Variants in FSIP2 observed in about 807,000 individuals in gnomAD.
FSIP2 encodes fibrous sheath-interacting protein 2.
FSIP2 carries 367 observed loss-of-function variants against 510.5 expected under a neutral mutation model. That is an observed-to-expected ratio of 0.72 (90% CI 0.66 to 0.78). The LOEUF (loss-of-function observed/expected upper bound fraction) is 0.78, where lower values mean the gene tolerates loss of function less well. Ranked by LOEUF, FSIP2 falls within the 30% of genes least tolerant of loss-of-function variation. FSIP2 has a pLI of 0.00. For synonymous variants in FSIP2, 2,601 were observed against 2,732.2 expected, an observed-to-expected ratio of 0.95 and a Z score of 1.50; for missense variants, 7,594 against 7,901.7, an observed-to-expected ratio of 0.96 and a Z score of 1.48.
At chr2:185,769,816 G>A (rs1203080606) in intron 13 of FSIP2, among the ~76,000 whole-genome samples, 1 of 151,936 alleles carries the variant, frequency 6.6e-6, no homozygotes, top group Non-Finnish European at 1.5e-5. Context: ...GCCCAGTTTT[G>A]ATCTTCCGCA....
rs1279466556 is a variant in FSIP2, at chr2:185,806,146, A to C, written c.16840A>C (p.Asn5614His). The change falls in exon 17 of 23, where the codon AAT (asparagine) becomes CAT (histidine). Residue 5614 changes from asparagine (N) to histidine (H), a missense_variant. By Grantham distance (68) the Asn-to-His change is moderately conservative. Coordinates refer to ENST00000424728, the MANE Select transcript of FSIP2 (RefSeq NM_173651.4). The stretch of plus-strand genomic sequence containing the variant: ...AATAGGCTATAAAAAGAAGATTGAC[A>C]ATGCAAGGGAAAGCTCATTTAAAAA... ...SEIGYKKKID[N>H]ARESSFKKDD... 4.4e-6 allele frequency: 7 copies of C among 1,575,856 alleles called. No individual in the cohort carries two copies. Among genetic ancestry groups the C allele is most frequent in the Non-Finnish European group, 8.6e-7 (1 of 1,167,952 alleles).
intron 16 of FSIP2, 58 bp downstream of exon 16, chr2:185,797,584 A>C: frequency 3.4e-6 from 5 of 1,454,044 alleles, no homozygotes; most frequent in Non-Finnish European, 4.5e-6. Context: ...AACCAGTAAA[A>C]GACATGTTTA....
chr2:185,777,755 C>T (rs1223562280), intron 13 of FSIP2, among the ~76,000 whole-genome samples: 1 of 151,654 alleles, frequency 6.6e-6, no homozygotes, highest in African/African-American at 2.4e-5. Context: ...TTAAATTTAC[C>T]AGTAGTTTGT....
chr2:185,798,899 G>T (rs1693360749), intron 16 of FSIP2, among the ~76,000 whole-genome samples: 1 of 151,664 alleles, frequency 6.6e-6, no homozygotes, highest in Admixed American at 6.6e-5. Context: ...CTCATTCCCT[G>T]TATCTTGACA....
At position 185,789,894 on chromosome 2, in the gene FSIP2, C is replaced by T. The variant is rs1417651431; in HGVS notation, c.2758C>T (p.Leu920=). 4.6e-6 allele frequency: 7 copies of T among 1,532,488 alleles called. No homozygotes were observed. The highest frequency in any genetic ancestry group is 6.1e-6 in the Non-Finnish European group (7 of 1,144,278). The allele number at this position is 1,532,488 out of a possible 1,614,324, so 94.9% of individuals were successfully genotyped here. The change falls in exon 16 of 23, where the codon CTA becomes TTA. Residue 920 remains leucine, a synonymous_variant. Transcript: ENST00000424728. ...TATACTAGGTTATATACAAACTGAACTAAATAATGAGAGAATTATTGCATC... is the reference window on the plus strand; with the variant it reads ...TATACTAGGTTATATACAAACTGAATTAAATAATGAGAGAATTATTGCATC... ...NAILGYIQTE[L]NNERIIASEE...
chr2:185,764,322 C>G lies in FSIP2; in HGVS notation c.1348-180C>G, dbSNP rs559003009. ...TTGATACAACTATGAACTTTGAATT[C>G]TATAAATAATACCTGTAATATAAAC... On this transcript the variant is annotated intron_variant, in intron 12 of 22. Transcript: ENST00000424728. Among the ~76,000 whole-genome samples the G allele has an allele frequency of 9.9e-5, 15 of 151,778 alleles. 1 individual carries two copies. The South Asian group carries it at 3.1e-3, about 31-fold the overall frequency.
chr2:185,761,124 G>A, intron 10 of FSIP2, 21 bp downstream of exon 10: 1 of 953,478 alleles, frequency 1.0e-6, no homozygotes, highest in Non-Finnish European at 1.5e-6. Context: ...ATGCTTTAAA[G>A]TTTTGTGTTG....
chr2:185,805,759 G>T lies in FSIP2; in HGVS notation c.16453G>T (p.Gly5485Cys). 6.2e-7 allele frequency: 1 copy of T among 1,600,386 alleles called. No homozygotes were observed. Among genetic ancestry groups the T allele is most frequent in the Non-Finnish European group, 8.5e-7 (1 of 1,175,750 alleles). Residue 5485 changes from glycine to cysteine, a missense_variant, in exon 17 of 23, where the codon GGT (glycine) becomes TGT (cysteine). Coordinates refer to ENST00000424728, the MANE Select transcript of FSIP2 (RefSeq NM_173651.4). ...AACCAAGGACACATCAGTGAAAAAA[G>T]GTGACATCCAAAATCCAGTACTTAG... ...FKTKDTSVKK[G>C]DIQNPVLSSI...
chr2:185,738,703 C>A (rs1440878308), upstream of FSIP2: 1 of 1,536,110 alleles, frequency 6.5e-7, no homozygotes, highest in East Asian at 2.4e-5. Flanking sequence ...GCTCTACGCG[C>A]TGGCGCGAGC....
Position 185,782,711 on chromosome 2 carries a change from A to T in FSIP2, c.1418A>T (p.Gln473Leu), listed in dbSNP as rs764967079. 8.6e-6 allele frequency: 13 copies of T among 1,514,310 alleles called. No homozygotes were observed. The highest frequency in any genetic ancestry group is 1.2e-5 in the Non-Finnish European group (13 of 1,126,954). 93.8% of individuals were successfully genotyped at this position (1,514,310 alleles called of 1,614,324 possible). A position where few individuals can be genotyped will look rare whatever the true frequency, so the allele number is the denominator to read the frequency against. ...RSSYLCESGPQAHATDPGIFS... is the reference protein window; with the variant it reads ...RSSYLCESGPLAHATDPGIFS... ...TTATTTTTCTGATAAATAGGACCTC[A>T]GGCTCATGCTACAGACCCGGGTATA... is the stretch of plus-strand genomic sequence containing the variant. Residue 473 changes from glutamine (Q) to leucine (L), a missense_variant, in exon 14 of 23, where the codon CAG (glutamine) becomes CTG (leucine). Transcript: ENST00000424728.
chr2:185,758,948 C>G (rs534191505), intron 9 of FSIP2, among the ~76,000 whole-genome samples: 1 of 151,160 alleles, frequency 6.6e-6, no homozygotes, highest in African/African-American at 2.4e-5. Flanking sequence ...TATTCTAGAG[C>G]CTTTGCATTT....
At chr2:185,821,902 G>A (rs1191484404) in intron 19 of FSIP2, among the ~76,000 whole-genome samples, 17 of 148,880 alleles carry the variant, frequency 1.1e-4, no homozygotes, top group Non-Finnish European at 5.9e-5. Context: ...CTCCAGCCTG[G>A]GTGACAGAAT....
In FSIP2 at chr2:185,807,538, G is replaced by A. The variant is rs1395612652; in HGVS notation, c.18232G>A (p.Asp6078Asn). 6.2e-7 allele frequency: 1 copy of A among 1,611,154 alleles called. No homozygotes were observed. Among genetic ancestry groups the A allele is most frequent in the Non-Finnish European group, 8.5e-7 (1 of 1,178,460 alleles). ...QYVETLQSDD[D>N]EIIQLVVQSV... ...TGTAGAAACCTTACAATCTGATGAT[G>A]ATGAAATTATTCAATTAGTGGTTCA... Residue 6078 changes from aspartate to asparagine, a missense_variant, in exon 17 of 23, where the codon GAT (aspartate) becomes AAT (asparagine). Coordinates refer to ENST00000424728, the MANE Select transcript of FSIP2 (RefSeq NM_173651.4).
intron 10 of FSIP2, 42 bp from the exon 11 acceptor site, chr2:185,761,920 TGGAAGTACAG>T: frequency 2.1e-6 from 2 of 953,666 alleles, no homozygotes; most frequent in Admixed American, 2.4e-5. Flanking sequence ...GAATCTTTTT[TGGAAGTACAG>T]TTACTAATGT....
Position 185,804,050 on chromosome 2 carries a change from A to C in FSIP2, c.14744A>C (p.Asp4915Ala), listed in dbSNP as rs764877846. The C allele has an allele frequency of 2.9e-4, 443 of 1,516,422 alleles. No individual in the cohort carries two copies. The highest frequency in any genetic ancestry group is 3.7e-4 in the Non-Finnish European group (425 of 1,135,672). 93.9% of individuals were successfully genotyped at this position (1,516,422 alleles called of 1,614,324 possible). ...CATATTCAATCATTTTTATCTGAAGATAAAACTCTCCTTTTGGCAGCAGTT... is the reference window on the plus strand; with the variant it reads ...CATATTCAATCATTTTTATCTGAAGCTAAAACTCTCCTTTTGGCAGCAGTT... ...NHHIQSFLSEDKTLLLAAVDQ... is the reference protein window; with the variant it reads ...NHHIQSFLSEAKTLLLAAVDQ... Residue 4915 changes from aspartate (D) to alanine (A), a missense_variant, in exon 17 of 23, where the codon GAT (aspartate) becomes GCT (alanine). Asp to Ala is a moderately radical substitution (Grantham distance 126). Transcript: ENST00000424728.
At chr2:185,741,345 G>A in intron 2 of FSIP2, among the ~76,000 whole-genome samples, 1 of 152,054 alleles carries the variant, frequency 6.6e-6, no homozygotes, top group East Asian at 1.9e-4. Flanking sequence ...TCCTTCATGA[G>A]GTAATGGTTA....
intron 17 of FSIP2, among the ~76,000 whole-genome samples, chr2:185,813,183 A>G (rs1340015317): frequency 6.6e-6 from 1 of 152,080 alleles, no homozygotes; most frequent in Non-Finnish European, 1.5e-5. Context: ...AGATTTCTCT[A>G]TAATTCCTTA....
chr2:185,796,083 G>A lies in FSIP2; in HGVS notation c.8947G>A (p.Gly2983Ser), dbSNP rs142675481. ...AAAGACAAAAGACCAAATTTCTGTG[G>A]GCTCCAGCAACCAAATTGTTCAAGA... is the stretch of plus-strand genomic sequence containing the variant. ...NTKTKDQISV[G>S]SSNQIVQEIV... The change falls in exon 16 of 23, where the codon GGC becomes AGC. Residue 2983 changes from glycine to serine, a missense_variant. Gly to Ser is a moderately conservative substitution (Grantham distance 56). Coordinates refer to ENST00000424728, the MANE Select transcript of FSIP2 (RefSeq NM_173651.4). 3.3e-3 allele frequency: 5,087 copies of A among 1,532,472 alleles called. 15 individuals are homozygous for A. Among genetic ancestry groups the A allele is most frequent in the Middle Eastern group, 0.018 (110 of 5,950 alleles). The allele number at this position is 1,532,472 out of a possible 1,614,324, so 94.9% of individuals were successfully genotyped here.
chr2:185,831,106 A>T (rs1694100494), intron 21 of FSIP2, among the ~76,000 whole-genome samples: 1 of 151,888 alleles, frequency 6.6e-6, no homozygotes, highest in Non-Finnish European at 1.5e-5. Context: ...GACACTGCAC[A>T]TTCCTCTTGT....
Sources: gnomAD v4.1 joint callset for allele counts (sites outside exome capture counted in the v4.1 genomes callset) on GRCh38, gnomAD v4.1.1 for gene constraint, MANE v1.5 for transcripts, NCBI Gene and HGNC (gene_info 2026-07-23, HGNC 2026-07-21) for gene names.